Variants in FBXO41 observed in about 807,000 individuals in gnomAD.
FBXO41 encodes F-box only protein 41.
Under a neutral mutation model 81.6 loss-of-function variants are expected in FBXO41, and 33 were observed. That is an observed-to-expected ratio of 0.40 (90% CI 0.31 to 0.54). The LOEUF (loss-of-function observed/expected upper bound fraction) is 0.54. Among genes scored for constraint, FBXO41 ranks in the 20% least tolerant of loss-of-function variants. The probability of loss-of-function intolerance (pLI) is 0.39; values close to 1 mark genes in which losing one functional copy is unlikely to be tolerated. For synonymous variants in FBXO41, 576 were observed against 552.7 expected, an observed-to-expected ratio of 1.04 and a Z score of -0.59; for missense variants, 1,107 against 1,236.0, an observed-to-expected ratio of 0.90 and a Z score of 1.56.
At position 73,269,552 on chromosome 2, in the gene FBXO41, C is replaced by T; in HGVS notation, c.79G>A (p.Ala27Thr). 1 of 1,360,924 alleles carries T rather than the reference C, an allele frequency of 7.3e-7. No homozygotes were observed. Among genetic ancestry groups the T allele is most frequent in the Non-Finnish European group, 9.6e-7 (1 of 1,046,412 alleles). 84.3% of individuals were successfully genotyped at this position (1,360,924 alleles called of 1,614,324 possible). ...TAGGTGTGGCTGTACTCCAGGTGCGCGCGCAGCGACGACAGGCTCCGGAAG... is the reference window on the plus strand; with the variant it reads ...TAGGTGTGGCTGTACTCCAGGTGCGTGCGCAGCGACGACAGGCTCCGGAAG... ...KRFRSLSSLRAHLEYSHTYET... is the reference protein window; with the variant it reads ...KRFRSLSSLRTHLEYSHTYET... The change falls in exon 2 of 13, where the codon GCG (alanine) becomes ACG (threonine). Residue 27 changes from alanine to threonine, a missense_variant. By Grantham distance (58) the Ala-to-Thr change is moderately conservative. Coordinates refer to ENST00000520530, the MANE Select transcript of FBXO41 (RefSeq NM_001371389.2). This position sits in a 1 kb window ranked among gnomAD's most constrained non-coding sequence, Gnocchi z 7.0.
Position 73,264,190 on chromosome 2 carries a change from G to A in FBXO41, c.1806+88C>T. ...TTGGCATTACAGTGTTGTAAGGGTT[G>A]CAAGGACCAGACCTCAAGGGGCCAG... On this transcript the variant is annotated intron_variant, in intron 6 of 12. Transcript: ENST00000520530. The A allele has an allele frequency of 8.2e-6, 13 of 1,590,906 alleles. No homozygotes were observed. In the South Asian group the frequency reaches 1.2e-4, roughly 15 times the overall value.
At chr2:73,268,181 C>A (rs1298047328) in intron 2 of FBXO41, among the ~76,000 whole-genome samples, 2 of 152,156 alleles carry the variant, frequency 1.3e-5, no homozygotes, top group African/African-American at 4.8e-5. Flanking sequence ...TCGCTGGTGA[C>A]ATGGGGACCC....
At chr2:73,271,030 T>C in intron 1 of FBXO41, 1 of 449,866 alleles carries the variant, frequency 2.2e-6, no homozygotes, top group Non-Finnish European at 4.5e-6. Flanking sequence ...TTCCTGTTCT[T>C]GCTGCCTTCC....
In FBXO41 at chr2:73,265,642, TG is replaced by T; in HGVS notation, c.1206-3del. The T allele has an allele frequency of 6.7e-7, 1 of 1,501,412 alleles. No homozygotes were observed. The highest frequency in any genetic ancestry group is 2.3e-5 in the East Asian group (1 of 43,236). 93.0% of individuals were successfully genotyped at this position (1,501,412 alleles called of 1,614,324 possible). ...GCGGCTGGCACACGGCTGGAGGCCC[TG>T]GGGCAGGGTGGACCACACAGTAAGG... On this transcript the variant is annotated splice_polypyrimidine_tract_variant and splice_region_variant and intron_variant, in intron 4 of 12. Transcript: ENST00000520530.
chr2:73,264,564 C>T (rs999260293), intron 5 of FBXO41, 45 bp from the exon 6 acceptor site: 2 of 1,607,434 alleles, frequency 1.2e-6, no homozygotes, highest in East Asian at 4.5e-5. Context: ...AGGGTCAAGG[C>T]TGGTGTGGGG....
chr2:73,258,510 G>C lies in FBXO41; in HGVS notation c.*472C>G, dbSNP rs1204114586. 6.4e-6 allele frequency: 1 copy of C among 156,234 alleles called. No homozygotes were observed. The highest frequency in any genetic ancestry group is 1.4e-5 in the Non-Finnish European group (1 of 70,988). 9.7% of individuals were successfully genotyped at this position (156,234 alleles called of 1,614,324 possible). ...TCTGAAGGGGTGCCCCCAGAAGGCT[G>C]CAGCAAGGTTGAGGAGAAGAGCCCT... On this transcript the variant is annotated 3_prime_UTR_variant, in exon 13 of 13. Transcript: ENST00000520530.
chr2:73,268,210 G>A (rs1326638540), intron 2 of FBXO41, among the ~76,000 whole-genome samples: 2 of 152,184 alleles, frequency 1.3e-5, no homozygotes, highest in African/African-American at 4.8e-5. Flanking sequence ...GTGGAAACCC[G>A]ATCAGCCTGG....
At chr2:73,270,712 C>T (rs767339148) in intron 1 of FBXO41, 8 of 487,258 alleles carry the variant, frequency 1.6e-5, no homozygotes, top group Non-Finnish European at 2.5e-5. Flanking sequence ...CTCCATCCCC[C>T]CACCAATTCT....
intron 1 of FBXO41, among the ~76,000 whole-genome samples, chr2:73,276,938 G>A (rs1688713159): frequency 6.6e-6 from 1 of 152,188 alleles, no homozygotes; most frequent in Non-Finnish European, 1.5e-5. Flanking sequence ...TGGTGTCAGG[G>A]TATCTGTGTG....
Position 73,265,463 on chromosome 2 carries a change from G to A in FBXO41, c.1383C>T (p.Gly461=), listed in dbSNP as rs1027315107. Reference sequence around the variant, plus strand: ...AGTTCTGGATGGCCTGGCGCCGCAGGCCTGAGCTGCGAGGGGGCTGGGACC... The same window carrying A: ...AGTTCTGGATGGCCTGGCGCCGCAGACCTGAGCTGCGAGGGGGCTGGGACC... ...SERSQPPRSS[G]LRRQAIQNWQ... is the part of the protein sequence containing the mutation. The change falls in exon 5 of 13, where the codon GGC becomes GGT. Residue 461 remains glycine, a synonymous_variant. Transcript: ENST00000520530. The A allele has an allele frequency of 9.3e-6, 15 of 1,604,740 alleles. No homozygotes were observed. Among genetic ancestry groups the A allele is most frequent in the Non-Finnish European group, 1.3e-5 (15 of 1,178,774 alleles).
intron 2 of FBXO41, among the ~76,000 whole-genome samples, chr2:73,267,597 C>CAATGGGG (rs1688315805): frequency 6.6e-6 from 1 of 152,226 alleles, no homozygotes; most frequent in East Asian, 1.9e-4. Flanking sequence ...GTTTATATGA[C>CAATGGGG]AATGGGGACA....
rs928403295 is a variant in FBXO41 at position 73,257,706 on chromosome 2, G to A, written c.*1276C>T. On this transcript the variant is annotated 3_prime_UTR_variant, in exon 13 of 13. Transcript: ENST00000520530. This position sits in a 1 kb window ranked among gnomAD's most constrained non-coding sequence, Gnocchi z 4.6. ...GGAGACCTCAGCCTTTGGAGCCTTG[G>A]TTCTGAGACCTGATCCTTTGGGGAC... The A allele has an allele frequency of 3.3e-5, 5 of 152,372 alleles. No individual in the cohort carries two copies. Among genetic ancestry groups the A allele is most frequent in the Admixed American group, 1.3e-4 (2 of 15,308 alleles). The allele number at this position is 152,372 out of a possible 1,614,324, so 9.4% of individuals were successfully genotyped here.
rs1231762542 is a variant in FBXO41, at chr2:73,264,636, G to C, written c.1565-117C>G. 4.8e-6 allele frequency: 7 copies of C among 1,456,752 alleles called. No homozygotes were observed. The Admixed American group carries it at 1.3e-4, about 26-fold the overall frequency. 90.2% of individuals were successfully genotyped at this position (1,456,752 alleles called of 1,614,324 possible). Reference sequence around the variant, plus strand: ...GAGGAATGGACATGCTGTGGTACCAGGGCCTAGGGAGGAAGGAAAAGGGGC... The same window carrying C: ...GAGGAATGGACATGCTGTGGTACCACGGCCTAGGGAGGAAGGAAAAGGGGC... On this transcript the variant is annotated intron_variant, in intron 5 of 12. Transcript: ENST00000520530.
rs1020775391 is a variant in FBXO41 at position 73,258,529 on chromosome 2, G to A, written c.*453C>T. 1 of 160,366 alleles carries A rather than the reference G, an allele frequency of 6.2e-6. No individual in the cohort carries two copies. Among genetic ancestry groups the A allele is most frequent in the African/African-American group, 2.4e-5 (1 of 41,820 alleles). The allele number at this position is 160,366 out of a possible 1,614,324, so 9.9% of individuals were successfully genotyped here. On this transcript the variant is annotated 3_prime_UTR_variant, in exon 13 of 13. Transcript: ENST00000520530. ...AAGGCTGCAGCAAGGTTGAGGAGAA[G>A]AGCCCTCCTTGCCAAGTCTGAGCTG...
In FBXO41 at chr2:73,260,615, G is replaced by T; in HGVS notation, c.2291-68C>A. The T allele has an allele frequency of 6.5e-7, 1 of 1,544,860 alleles. No individual in the cohort carries two copies. The highest frequency in any genetic ancestry group is 8.7e-7 in the Non-Finnish European group (1 of 1,142,876). On this transcript the variant is annotated intron_variant, in intron 10 of 12. Coordinates refer to ENST00000520530, the MANE Select transcript of FBXO41 (RefSeq NM_001371389.2). The surrounding 1 kb of genome is among the most constrained non-coding windows in gnomAD (Gnocchi z 5.0). ...GGTCACCCCTGCAGCCAGCACCCTG[G>T]CTACCACCCTGCCACCTGCCACCAC...
intron 5 of FBXO41, among the ~76,000 whole-genome samples, 172 bp from the exon 6 acceptor site, chr2:73,264,691 A>G (rs1004115452): frequency 1.3e-5 from 2 of 152,120 alleles, no homozygotes; most frequent in Non-Finnish European, 2.9e-5. Context: ...GCGGTACCCC[A>G]TCTCCAGTTT....
chr2:73,267,308 G>A (rs573411834), intron 2 of FBXO41, among the ~76,000 whole-genome samples: 13 of 152,186 alleles, frequency 8.5e-5, no homozygotes, highest in African/African-American at 2.9e-4. Context: ...CAGTACCACC[G>A]ACACAGTCAA....
At position 73,260,528 on chromosome 2, in the gene FBXO41, C is replaced by G. The variant is rs1687973440; in HGVS notation, c.2310G>C (p.Leu770=). 5 of 1,595,632 alleles carry G rather than the reference C, an allele frequency of 3.1e-6. No individual in the cohort carries two copies. Among genetic ancestry groups the G allele is most frequent in the Non-Finnish European group, 4.3e-6 (5 of 1,171,142 alleles). Reference sequence around the variant, plus strand: ...ACACGTGGTCAAGCTCCAGGACCTGCAGCCGCATGCAGTTTCTCGCTAGGA... The same window carrying G: ...ACACGTGGTCAAGCTCCAGGACCTGGAGCCGCATGCAGTTTCTCGCTAGGA... ...LASLARNCMR[L]QVLELDHVSE... Residue 770 remains leucine (L), a synonymous_variant, in exon 11 of 13, where the codon CTG becomes CTC. Coordinates refer to ENST00000520530, the MANE Select transcript of FBXO41 (RefSeq NM_001371389.2). This position sits in a 1 kb window ranked among gnomAD's most constrained non-coding sequence, Gnocchi z 5.0.
Position 73,269,599 on chromosome 2 carries a change from G to A in FBXO41, c.32C>T (p.Pro11Leu). 1 of 1,311,836 alleles carries A rather than the reference G, an allele frequency of 7.6e-7. No homozygotes were observed. The allele number at this position is 1,311,836 out of a possible 1,614,324, so 81.3% of individuals were successfully genotyped here. A position where few individuals can be genotyped will look rare whatever the true frequency, so the allele number is the denominator to read the frequency against. Residue 11 changes from proline to leucine, a missense_variant, in exon 2 of 13, where the codon CCC becomes CTC. By Grantham distance (98) the Pro-to-Leu change is moderately conservative. Around this residue, in one of 2 missense-constraint regions of FBXO41, gnomAD observed 771 missense variants for 789.2 expected, o/e 0.98. Coordinates refer to ENST00000520530, the MANE Select transcript of FBXO41 (RefSeq NM_001371389.2). This position sits in a 1 kb window ranked among gnomAD's most constrained non-coding sequence, Gnocchi z 7.0. ...GAAGCGCTTGTGCTCCCCGCAGCGG[G>A]GGCAGCGGTACGGCAGGTCCAGCGA... MASLDLPYRC[P>L]RCGEHKRFRS...
Sources: allele counts gnomAD v4.1 joint callset (sites outside exome capture counted in the v4.1 genomes callset), GRCh38; gene constraint gnomAD v4.1.1; regional missense constraint gnomAD v4.1.1; non-coding constraint Gnocchi (gnomAD v3.1); transcripts MANE v1.5; gene names NCBI Gene and HGNC (gene_info 2026-07-23, HGNC 2026-07-21).